Variants in PSD3 observed in about 807,000 individuals in gnomAD.
PSD3 encodes the protein PH and SEC7 domain-containing protein 3.
PSD3 carries 49 observed loss-of-function variants against 105.5 expected under a neutral mutation model. The ratio of observed to expected loss-of-function variants is 0.46; its 90% confidence interval spans 0.37 to 0.59. The LOEUF (loss-of-function observed/expected upper bound fraction) is 0.59. Among genes scored for constraint, PSD3 ranks in the 20% least tolerant of loss-of-function variants. The pLI is 0.00. For synonymous variants in PSD3, 557 were observed against 457.8 expected (o/e 1.22, Z -2.77); for missense variants, 1,561 against 1,263.8 (o/e 1.24, Z -3.57).
intron 9 of PSD3, among the ~76,000 whole-genome samples, chr8:18,661,199 C>T (rs886139658): frequency 7.2e-5 from 11 of 152,132 alleles, no homozygotes; most frequent in African/African-American, 2.4e-4. Flanking sequence ...GTTCCTGAAT[C>T]ATTATGAAAA....
At chr8:18,538,237 T>C (rs1196296444) in intron 15 of PSD3, among the ~76,000 whole-genome samples, 1 of 152,228 alleles carries the variant, frequency 6.6e-6, no homozygotes, top group Non-Finnish European at 1.5e-5. Flanking sequence ...GTTTAAAGCA[T>C]TACTAAACAC....
chr8:18,827,768 G>A lies in PSD3; in HGVS notation c.1635-22870C>T, dbSNP rs181459831. On this transcript the variant is annotated intron_variant, in intron 4 of 15. Coordinates refer to ENST00000327040, the MANE Select transcript of PSD3 (RefSeq NM_015310.4). ...GGATTGTGAGTAAAAAAGTAAAACCGGTTGAATTTGAGGCCAATTATATAT... is the reference window on the plus strand; with the variant it reads ...GGATTGTGAGTAAAAAAGTAAAACCAGTTGAATTTGAGGCCAATTATATAT... 9.2e-5 allele frequency among the ~76,000 whole-genome samples: 14 copies of A among 151,644 alleles called. No individual in the cohort carries two copies. The East Asian group carries it at 1.2e-3, about 13-fold the overall frequency.
intron 1 of PSD3, among the ~76,000 whole-genome samples, chr8:19,077,394 T>C (rs898941622): frequency 3.9e-5 from 6 of 151,962 alleles, no homozygotes; most frequent in African/African-American, 1.5e-4. Context: ...CTAAATATAA[T>C]CACAGGAAAT....
intron 12 of PSD3, among the ~76,000 whole-genome samples, chr8:18,593,671 T>A (rs911960570): frequency 6.6e-6 from 1 of 151,960 alleles, no homozygotes; most frequent in African/African-American, 2.4e-5. Flanking sequence ...AGACACATGC[T>A]CACGTACGTT....
At chr8:19,019,047 G>A (rs116324874) in intron 1 of PSD3, among the ~76,000 whole-genome samples, 9,993 of 152,148 alleles carry the variant, frequency 0.066, 423 homozygotes, top group Non-Finnish European at 0.087. Context: ...TGCCCACCTC[G>A]GTCTCCCAAA....
intron 1 of PSD3, among the ~76,000 whole-genome samples, chr8:18,954,268 G>A (rs192348558): frequency 6.6e-6 from 1 of 152,098 alleles, no homozygotes; most frequent in East Asian, 1.9e-4. Context: ...GGATATGAGG[G>A]GCCCAAGATT....
chr8:18,536,568 TG>T (rs769598636), intron 15 of PSD3, among the ~76,000 whole-genome samples: 13 of 152,204 alleles, frequency 8.5e-5, no homozygotes, highest in Admixed American at 2.6e-4. Flanking sequence ...CCGGTTATTA[TG>T]AACAGGTGCT....
chr8:18,979,985 C>A (rs917812468), intron 1 of PSD3, among the ~76,000 whole-genome samples: 4 of 152,174 alleles, frequency 2.6e-5, no homozygotes, highest in African/African-American at 7.2e-5. Context: ...ACTCATTATA[C>A]ACTGATCTAT....
intron 1 of PSD3, among the ~76,000 whole-genome samples, chr8:19,053,227 G>A (rs116484211): frequency 0.017 from 2,571 of 152,170 alleles, 45 homozygotes; most frequent in African/African-American, 0.048. Context: ...CTGGAGTAAC[G>A]TCTTAAAGGC....
At chr8:18,793,148 G>A (rs761409804) in intron 8 of PSD3, among the ~76,000 whole-genome samples, 1 of 152,038 alleles carries the variant, frequency 6.6e-6, no homozygotes, top group African/African-American at 2.4e-5. Context: ...ACACAGGGTG[G>A]GGAACATTGC....
intron 9 of PSD3, among the ~76,000 whole-genome samples, chr8:18,705,890 G>C: frequency 6.6e-6 from 1 of 152,142 alleles, no homozygotes; most frequent in Non-Finnish European, 1.5e-5. Flanking sequence ...TTGTGATCAA[G>C]AGTATCAAAA....
chr8:18,800,151 C>T (rs11993467), intron 7 of PSD3, among the ~76,000 whole-genome samples: 55,634 of 152,072 alleles, frequency 0.37, 11,347 homozygotes, highest in Non-Finnish European at 0.46. Flanking sequence ...CAAATATCCT[C>T]ATCAACAGCC....
At chr8:18,887,359 T>A (rs1427369625) in intron 2 of PSD3, among the ~76,000 whole-genome samples, 3 of 152,182 alleles carry the variant, frequency 2.0e-5, no homozygotes, top group African/African-American at 7.2e-5. Context: ...ATTAAATTAA[T>A]ATTTAATGGG....
At chr8:18,678,705 G>T (rs1800206762) in intron 9 of PSD3, among the ~76,000 whole-genome samples, 5 of 152,174 alleles carry the variant, frequency 3.3e-5, no homozygotes, top group Admixed American at 3.3e-4. Flanking sequence ...CAGCTAACTT[G>T]GGAGGCCGAG....
intron 2 of PSD3, among the ~76,000 whole-genome samples, chr8:18,873,467 A>G (rs911389401): frequency 3.9e-5 from 6 of 151,964 alleles, no homozygotes; most frequent in African/African-American, 1.5e-4. Flanking sequence ...TAAAGTTTAT[A>G]TATATATAGT....
At chr8:18,652,851 G>A (rs77252809) in intron 10 of PSD3, among the ~76,000 whole-genome samples, 5,771 of 152,162 alleles carry the variant, frequency 0.038, 162 homozygotes, top group Non-Finnish European at 0.06. Flanking sequence ...AGTGTTCTCA[G>A]AAGTGTGTTC....
chr8:18,998,496 G>T (rs1427606562), intron 1 of PSD3, among the ~76,000 whole-genome samples: 1 of 151,996 alleles, frequency 6.6e-6, no homozygotes, highest in East Asian at 1.9e-4. Flanking sequence ...GACCATCCTG[G>T]CTAACACGGT....
intron 9 of PSD3, among the ~76,000 whole-genome samples, chr8:18,739,447 G>A (rs1022665524): frequency 1.3e-5 from 2 of 152,142 alleles, no homozygotes; most frequent in African/African-American, 4.8e-5. Context: ...GGACTCTATA[G>A]AGAACCAGAA....
intron 10 of PSD3, among the ~76,000 whole-genome samples, chr8:18,637,631 A>G (rs1807360700): frequency 6.6e-6 from 1 of 152,206 alleles, no homozygotes; most frequent in African/African-American, 2.4e-5. Flanking sequence ...ACCATTGTAA[A>G]GTACCATTTC....
Sources: allele counts gnomAD v4.1 joint callset (sites outside exome capture counted in the v4.1 genomes callset), GRCh38; gene constraint gnomAD v4.1.1; transcripts MANE v1.5; gene names NCBI Gene and HGNC (gene_info 2026-07-23, HGNC 2026-07-21).